ELAPOR1: variants seen among roughly 807,000 people sequenced by gnomAD.
ELAPOR1 encodes endosome/lysosome-associated apoptosis and autophagy regulator 1.
ELAPOR1 carries 77 observed loss-of-function variants against 119.7 expected under a neutral mutation model. That is an observed-to-expected ratio of 0.64 (90% CI 0.54 to 0.78). ELAPOR1 has a LOEUF of 0.78. ELAPOR1 is among the 30% of genes least tolerant of loss of function. The pLI is 0.00. For missense variants in ELAPOR1, 1,115 were observed against 1,270.4 expected (o/e 0.88, Z 1.86); for synonymous variants, 481 against 487.2 (o/e 0.99, Z 0.17).
chr1:109,127,324 C>A (rs1303036058), intron 1 of ELAPOR1, among the ~76,000 whole-genome samples: 1 of 150,956 alleles, frequency 6.6e-6, no homozygotes, highest in African/African-American at 2.4e-5. Context: ...AAGTGATTCC[C>A]CTGCCTCAGC....
chr1:109,174,428 A>T (rs1652124587), intron 7 of ELAPOR1, among the ~76,000 whole-genome samples: 1 of 137,770 alleles, frequency 7.3e-6, no homozygotes, highest in African/African-American at 3.1e-5. Flanking sequence ...AAAAAAAAAA[A>T]AAAAAAAAAA....
chr1:109,145,720 T>C (rs889368876), intron 1 of ELAPOR1, among the ~76,000 whole-genome samples: 1 of 152,032 alleles, frequency 6.6e-6, no homozygotes, highest in African/African-American at 2.4e-5. Context: ...TTGAAAGAGA[T>C]GACTAGATAA....
intron 1 of ELAPOR1, among the ~76,000 whole-genome samples, chr1:109,125,137 C>T (rs547308948): frequency 9.9e-5 from 15 of 152,148 alleles, no homozygotes; most frequent in African/African-American, 3.6e-4. Flanking sequence ...CCATGTTGGC[C>T]AGGCTGGTCT....
intron 1 of ELAPOR1, among the ~76,000 whole-genome samples, chr1:109,119,410 G>A (rs567274756): frequency 1.4e-3 from 203 of 147,174 alleles, no homozygotes; most frequent in African/African-American, 5.0e-3. Flanking sequence ...TCTCAAACTC[G>A]TGAGCTCTAG....
intron 1 of ELAPOR1, among the ~76,000 whole-genome samples, chr1:109,115,211 T>C (rs941655716): frequency 1.3e-5 from 2 of 152,178 alleles, no homozygotes; most frequent in Non-Finnish European, 2.9e-5. Context: ...AATAACAATA[T>C]TTGGTTGTGC....
chr1:109,187,091 T>G, intron 8 of ELAPOR1: 1 of 985,500 alleles, frequency 1.0e-6, no homozygotes, highest in Non-Finnish European at 1.2e-6. Flanking sequence ...TTCTGAACAG[T>G]ATTTTAAAAT....
At chr1:109,143,873 C>G (rs1649987426) in intron 1 of ELAPOR1, among the ~76,000 whole-genome samples, 1 of 151,394 alleles carries the variant, frequency 6.6e-6, no homozygotes, top group Non-Finnish European at 1.5e-5. Flanking sequence ...GTTGCCCAGG[C>G]TGATCTGGAA....
In ELAPOR1 at chr1:109,204,084, C is replaced by T. The variant is rs1654352927; in HGVS notation, c.*1072C>T. On this transcript the variant is annotated 3_prime_UTR_variant, in exon 22 of 22. Transcript: ENST00000369939. ...GACTACAAGTGTGCACCACCAGGCT[C>T]ACTAATTTTTATATTTTTTGTAGAC... The T allele has an allele frequency of 6.6e-6, 1 of 151,964 alleles. No homozygotes were observed. The highest frequency in any genetic ancestry group is 2.1e-4 in the South Asian group (1 of 4,818). 9.4% of individuals were successfully genotyped at this position (151,964 alleles called of 1,614,324 possible).
In ELAPOR1 at chr1:109,202,978, A is replaced by C. The variant is rs1654273356; in HGVS notation, c.3008A>C (p.Lys1003Thr). 6.2e-7 allele frequency: 1 copy of C among 1,613,692 alleles called. No individual in the cohort carries two copies. The highest frequency in any genetic ancestry group is 1.3e-5 in the African/African-American group (1 of 74,932). Residue 1003 changes from lysine to threonine, a missense_variant, in exon 22 of 22, where the codon AAG becomes ACG. Lys to Thr is a moderately conservative substitution (Grantham distance 78, BLOSUM62 -1). Transcript: ENST00000369939. ...GATGGATTTGACTCAGTGCCGCTGA[A>C]GACATCCTCAGGAGGCCTAGACATG... ...TPDGFDSVPL[K>T]TSSGGLDMDL is the part of the protein sequence containing the mutation.
chr1:109,151,838 T>G (rs1650549220), intron 1 of ELAPOR1, among the ~76,000 whole-genome samples: 1 of 151,566 alleles, frequency 6.6e-6, no homozygotes, highest in Non-Finnish European at 1.5e-5. Context: ...TATACCCAGC[T>G]CCAGGGCATT....
chr1:109,193,008 C>A, intron 14 of ELAPOR1, 134 bp downstream of exon 14: 2 of 951,188 alleles, frequency 2.1e-6, no homozygotes, highest in Non-Finnish European at 1.6e-6. Context: ...GGTTGGAGTC[C>A]TGGAGGACAC....
At chr1:109,197,852 C>A in intron 16 of ELAPOR1, 127 bp from the exon 17 acceptor site, 1 of 1,012,818 alleles carries the variant, frequency 9.9e-7, no homozygotes, top group Non-Finnish European at 1.5e-6. Flanking sequence ...TTGTTTCACC[C>A]TTTCATAAGC....
chr1:109,115,750 A>G (rs1054912074), intron 1 of ELAPOR1, among the ~76,000 whole-genome samples: 3 of 152,356 alleles, frequency 2.0e-5, no homozygotes, highest in Middle Eastern at 3.4e-3. Flanking sequence ...TTGAAGATTC[A>G]TGAATATGAC....
At chr1:109,120,656 C>T (rs1648347625) in intron 1 of ELAPOR1, among the ~76,000 whole-genome samples, 2 of 152,066 alleles carry the variant, frequency 1.3e-5, no homozygotes, top group Non-Finnish European at 2.9e-5. Context: ...TAGCCCCAGA[C>T]ATACCAAGTT....
intron 3 of ELAPOR1, among the ~76,000 whole-genome samples, chr1:109,166,887 T>C (rs1570672458): frequency 1.3e-5 from 2 of 152,332 alleles, no homozygotes; most frequent in East Asian, 1.9e-4. Flanking sequence ...GACTCAAGAA[T>C]TGTATTACAC....
chr1:109,145,433 A>G (rs1448068104), intron 1 of ELAPOR1, among the ~76,000 whole-genome samples: 2 of 152,278 alleles, frequency 1.3e-5, no homozygotes, highest in Middle Eastern at 6.8e-3. Flanking sequence ...AGATGGGCCT[A>G]TCACCTGAGA....
intron 18 of ELAPOR1, among the ~76,000 whole-genome samples, chr1:109,199,164 C>T (rs575895422): frequency 3.9e-5 from 6 of 152,244 alleles, no homozygotes; most frequent in South Asian, 2.1e-4. Context: ...CTCTCTGCAA[C>T]GAAAATACCC....
Position 109,203,211 on chromosome 1 carries a change from C to T in ELAPOR1, c.*199C>T, listed in dbSNP as rs1270794590. 1.8e-6 allele frequency: 1 copy of T among 543,128 alleles called. No individual in the cohort carries two copies. Among genetic ancestry groups the T allele is most frequent in the Non-Finnish European group, 3.3e-6 (1 of 305,512 alleles). 33.6% of individuals were successfully genotyped at this position (543,128 alleles called of 1,614,324 possible). A position where few individuals can be genotyped will look rare whatever the true frequency, so the allele number is the denominator to read the frequency against. ...GCTTGCCTCAAACCTGCCAAATATACCCACACTTTGTTTGTAAATTATGCC... is the reference window on the plus strand; with the variant it reads ...GCTTGCCTCAAACCTGCCAAATATATCCACACTTTGTTTGTAAATTATGCC... On this transcript the variant is annotated 3_prime_UTR_variant, in exon 22 of 22. Transcript: ENST00000369939.
chr1:109,139,274 G>A (rs892517877), intron 1 of ELAPOR1, among the ~76,000 whole-genome samples: 3 of 151,848 alleles, frequency 2.0e-5, no homozygotes, highest in Non-Finnish European at 4.4e-5. Context: ...TGCTTGGGCT[G>A]TGGCTACCAT....
Sources: allele counts gnomAD v4.1 joint callset (sites outside exome capture counted in the v4.1 genomes callset), GRCh38; gene constraint gnomAD v4.1.1; transcripts MANE v1.5; gene names NCBI Gene and HGNC (gene_info 2026-07-23, HGNC 2026-07-21).